WDR81: variants seen among roughly 807,000 people sequenced by gnomAD.
The protein encoded by WDR81 is WD repeat-containing protein 81.
In WDR81, 92 loss-of-function variants were observed where a neutral mutation model predicts 140.8. That is an observed-to-expected ratio of 0.65 (90% CI 0.55 to 0.78). WDR81 has a LOEUF of 0.78. Ranked by LOEUF, WDR81 falls within the 30% of genes least tolerant of loss-of-function variation. The pLI, the probability that WDR81 is intolerant of heterozygous loss-of-function variation, is 0.00. For missense variants in WDR81, 2,502 were observed against 2,636.4 expected, an observed-to-expected ratio of 0.95 and a Z score of 1.12; for synonymous variants, 1,183 against 1,156.4, an observed-to-expected ratio of 1.02 and a Z score of -0.47.
At position 1,724,712 on chromosome 17, in the gene WDR81, C is replaced by T; in HGVS notation, c.-248C>T. ...ATCACGTGACCCGCGTCAGCTGACCCGTCACGGTGGAGCCCGGTGCTCGCG... is the reference window on the plus strand; with the variant it reads ...ATCACGTGACCCGCGTCAGCTGACCTGTCACGGTGGAGCCCGGTGCTCGCG... On this transcript the variant is annotated 5_prime_UTR_variant, in exon 1 of 10. Coordinates refer to ENST00000409644, the MANE Select transcript of WDR81 (RefSeq NM_001163809.2). The T allele has an allele frequency of 9.2e-7, 1 of 1,090,458 alleles. No homozygotes were observed. 67.5% of individuals were successfully genotyped at this position (1,090,458 alleles called of 1,614,324 possible).
chr17:1,733,907 G>A lies in WDR81; in HGVS notation c.4870G>A (p.Glu1624Lys), dbSNP rs547282188. The change falls in exon 7 of 10, where the codon GAG (glutamate) becomes AAG (lysine). Residue 1624 changes from glutamate to lysine, a missense_variant. By Grantham distance (56) the Glu-to-Lys change is moderately conservative. This residue lies in a region of WDR81 where 1,737 missense variants were observed against 1,843.0 expected (regional missense o/e 0.94). Coordinates refer to ENST00000409644, the MANE Select transcript of WDR81 (RefSeq NM_001163809.2). ...SGNWLAYWQY[E>K]IGVSQQDAHF... is the part of the protein sequence containing the mutation. ...AAACTGGCTGGCGTACTGGCAGTACGAGATCGGCGTGAGCCAGCAGGATGC... is the reference window on the plus strand; with the variant it reads ...AAACTGGCTGGCGTACTGGCAGTACAAGATCGGCGTGAGCCAGCAGGATGC... 10 of 1,612,778 alleles carry A rather than the reference G, an allele frequency of 6.2e-6. No individual in the cohort carries two copies. The highest frequency in any genetic ancestry group is 2.2e-5 in the East Asian group (1 of 44,878).
At position 1,726,330 on chromosome 17, in the gene WDR81, C is replaced by G. The variant is rs577174463; in HGVS notation, c.1371C>G (p.Arg457=). The change falls in exon 1 of 10, where the codon CGC becomes CGG. Residue 457 remains arginine, a synonymous_variant. Coordinates refer to ENST00000409644, the MANE Select transcript of WDR81 (RefSeq NM_001163809.2). ...CGTACTATGTGTACAAGGCTCGGCG[C>G]ACGCCTCGGTCGGTGCTCTGCGGAC... ...DITYYVYKAR[R]TPRSVLCGHV... 8.4e-6 allele frequency: 13 copies of G among 1,544,190 alleles called. No individual in the cohort carries two copies. In the African/African-American group the frequency reaches 1.4e-4, roughly 16 times the overall value.
chr17:1,730,288 G>A (rs1021935732), intron 1 of WDR81, 92 bp from the exon 2 acceptor site: 45 of 1,060,484 alleles, frequency 4.2e-5, no homozygotes, highest in African/African-American at 3.7e-4. Context: ...AGCTGCAGCC[G>A]CAGGTGGTTG....
upstream of WDR81, among the ~76,000 whole-genome samples, chr17:1,723,446 T>C (rs995408780): frequency 2.3e-5 from 3 of 132,318 alleles, no homozygotes; most frequent in Admixed American, 7.6e-5. Context: ...GTTTTATTTT[T>C]ATTTATTTAT....
intron 1 of WDR81, chr17:1,716,804 G>A: frequency 1.3e-6 from 1 of 749,542 alleles, no homozygotes; most frequent in Non-Finnish European, 2.2e-6. Flanking sequence ...GCGGACCAAG[G>A]AGCAGGAGTG....
At chr17:1,721,006 A>AG (rs1336022768), upstream of WDR81, among the ~76,000 whole-genome samples, 1 of 152,184 alleles carries the variant, frequency 6.6e-6, no homozygotes, top group African/African-American at 2.4e-5. Flanking sequence ...ACTTGCAGAC[A>AG]GAAAAAGTAG....
intron 1 of WDR81, 122 bp from the exon 2 acceptor site, chr17:1,730,258 C>A: frequency 1.3e-6 from 1 of 776,198 alleles, no homozygotes; most frequent in East Asian, 2.8e-5. Flanking sequence ...GACAGCCGGC[C>A]CGGGCTGGGC....
In WDR81 at chr17:1,735,876, G is replaced by A. The variant is rs757794101; in HGVS notation, c.5325+159G>A. 3.6e-5 allele frequency: 49 copies of A among 1,367,718 alleles called. No individual in the cohort carries two copies. The highest frequency in any genetic ancestry group is 2.5e-5 in the Non-Finnish European group (26 of 1,021,826). The allele number at this position is 1,367,718 out of a possible 1,614,324, so 84.7% of individuals were successfully genotyped here. A position where few individuals can be genotyped will look rare whatever the true frequency, so the allele number is the denominator to read the frequency against. On this transcript the variant is annotated intron_variant, in intron 8 of 9. Transcript: ENST00000409644. The surrounding 1 kb of genome is among the most constrained non-coding windows in gnomAD (Gnocchi z 4.2). ...CCACAGCCACACATCCTGCGGGGCA[G>A]GACTCTGGCCTGTGATGGGGGTGGG...
chr17:1,729,547 G>A (rs1219658924), intron 1 of WDR81, among the ~76,000 whole-genome samples: 1 of 152,166 alleles, frequency 6.6e-6, no homozygotes, highest in African/African-American at 2.4e-5. Flanking sequence ...TCCTTAAAAG[G>A]AGAGACAGTT....
rs1221266419 is a variant in WDR81 at position 1,726,346 on chromosome 17, C to G, written c.1387C>G (p.Leu463Val). Reference protein sequence around the residue: ...YKARRTPRSVLCGHVRAQWEP... With the variant: ...YKARRTPRSVVCGHVRAQWEP... ...GGCTCGGCGCACGCCTCGGTCGGTG[C>G]TCTGCGGACACGTCCGCGCGCAGTG... Residue 463 changes from leucine to valine, a missense_variant, in exon 1 of 10, where the codon CTC (leucine) becomes GTC (valine). By Grantham distance (32) the Leu-to-Val change is conservative. Coordinates refer to ENST00000409644, the MANE Select transcript of WDR81 (RefSeq NM_001163809.2). 1 of 1,546,024 alleles carries G rather than the reference C, an allele frequency of 6.5e-7. No homozygotes were observed. The highest frequency in any genetic ancestry group is 8.7e-7 in the Non-Finnish European group (1 of 1,143,806).
At chr17:1,733,092 G>C in intron 6 of WDR81, 1 of 501,032 alleles carries the variant, frequency 2.0e-6, no homozygotes, top group Non-Finnish European at 3.5e-6. Flanking sequence ...TGGACTGGCG[G>C]TCCGCAGGAG....
At chr17:1,728,970 C>CA (rs1915501221) in intron 1 of WDR81, among the ~76,000 whole-genome samples, 2 of 151,852 alleles carry the variant, frequency 1.3e-5, no homozygotes, top group Non-Finnish European at 2.9e-5. Flanking sequence ...CAAAACAAAA[C>CA]AAAAAAACAG....
upstream of WDR81, among the ~76,000 whole-genome samples, chr17:1,721,398 A>G (rs12939261): frequency 3.9e-4 from 60 of 152,106 alleles, no homozygotes; most frequent in Non-Finnish European, 7.1e-4. Context: ...CGCTGCCTGT[A>G]GTCTCAACTA....
chr17:1,730,288 G>T lies in WDR81; in HGVS notation c.3668-92G>T, dbSNP rs1021935732. The stretch of plus-strand genomic sequence containing the variant: ...CTGGGCTCTTGGCAGAGCTGCAGCC[G>T]CAGGTGGTTGAGTGGGGTGCCGTGG... On this transcript the variant is annotated intron_variant, in intron 1 of 9. Transcript: ENST00000409644. 6 of 1,060,374 alleles carry T rather than the reference G, an allele frequency of 5.7e-6. No individual in the cohort carries two copies. In the African/African-American group the frequency reaches 9.6e-5, roughly 17 times the overall value. 65.7% of individuals were successfully genotyped at this position (1,060,374 alleles called of 1,614,324 possible).
chr17:1,734,008 A>C lies in WDR81; in HGVS notation c.4971A>C (p.Leu1657=), dbSNP rs3809872. Reference sequence around the variant, plus strand: ...GGGCCGTCAAGTGCGTGGCACCCCTAAGCAGCGAGGACTTCTTCCTGAGCG... The same window carrying C: ...GGGCCGTCAAGTGCGTGGCACCCCTCAGCAGCGAGGACTTCTTCCTGAGCG... ...HSGAVKCVAP[L]SSEDFFLSGS... The change falls in exon 7 of 10, where the codon CTA becomes CTC. Residue 1657 remains leucine, a synonymous_variant. Coordinates refer to ENST00000409644, the MANE Select transcript of WDR81 (RefSeq NM_001163809.2). The C allele has an allele frequency of 2.5e-6, 4 of 1,612,520 alleles. No individual in the cohort carries two copies. Among genetic ancestry groups the C allele is most frequent in the Non-Finnish European group, 2.5e-6 (3 of 1,179,936 alleles).
rs1904823270 is a variant in WDR81 at position 1,735,923 on chromosome 17, CT to C, written c.5326-115del. On this transcript the variant is annotated intron_variant, in intron 8 of 9. Transcript: ENST00000409644. The surrounding 1 kb of genome is among the most constrained non-coding windows in gnomAD (Gnocchi z 4.2). ...TGGGGTTCTGGGCTTTTCATGCCCC[CT>C]GATGAGGGTCAGAGGCTCAGGCCTT... The C allele has an allele frequency of 2.1e-6, 3 of 1,445,904 alleles. No homozygotes were observed. The highest frequency in any genetic ancestry group is 2.4e-5 in the Admixed American group (1 of 42,430). The allele number at this position is 1,445,904 out of a possible 1,614,324, so 89.6% of individuals were successfully genotyped here. A position where few individuals can be genotyped will look rare whatever the true frequency, so the allele number is the denominator to read the frequency against.
intron 2 of WDR81, 66 bp downstream of exon 2, chr17:1,730,553 G>T: frequency 6.6e-7 from 1 of 1,515,910 alleles, no homozygotes. Context: ...TAGCTTCAGC[G>T]CTCTCCGGCG....
At chr17:1,724,670 G>T (rs1013555091), upstream of WDR81, 2 of 1,050,720 alleles carry the variant, frequency 1.9e-6, no homozygotes, top group African/African-American at 3.4e-5. Flanking sequence ...ACGTGCGCTT[G>T]TTTCCGTGCT....
At position 1,727,102 on chromosome 17, in the gene WDR81, G is replaced by C. The variant is rs1316614060; in HGVS notation, c.2143G>C (p.Glu715Gln). The C allele has an allele frequency of 8.4e-6, 13 of 1,547,636 alleles. No homozygotes were observed. In the East Asian group the frequency reaches 2.9e-4, roughly 35 times the overall value. The change falls in exon 1 of 10, where the codon GAG becomes CAG. Residue 715 changes from glutamate to glutamine, a missense_variant. Physicochemically the swap from Glu to Gln is conservative, Grantham distance 29. Transcript: ENST00000409644. The part of the protein sequence containing the change: ...KAAGADPGEG[E>Q]EGRILLPEGF... ...TGCTGGGGCAGACCCTGGGGAGGGTGAGGAGGGGAGGATTCTTCTTCCCGA... is the reference window on the plus strand; with the variant it reads ...TGCTGGGGCAGACCCTGGGGAGGGTCAGGAGGGGAGGATTCTTCTTCCCGA...
Sources: gnomAD v4.1 joint callset for allele counts (sites outside exome capture counted in the v4.1 genomes callset) on GRCh38, gnomAD v4.1.1 for gene constraint, gnomAD v4.1.1 regional missense constraint, Gnocchi (gnomAD v3.1) non-coding constraint, MANE v1.5 for transcripts, NCBI Gene and HGNC (gene_info 2026-07-23, HGNC 2026-07-21) for gene names.